Variants in FARP2 observed in about 807,000 individuals in gnomAD.
FARP2 encodes FERM, ARH/RhoGEF and pleckstrin domain protein 2, also known as FERM, ARHGEF and pleckstrin domain-containing protein 2.
FARP2 carries 111 observed loss-of-function variants against 130.5 expected under a neutral mutation model. The ratio of observed to expected loss-of-function variants is 0.85; its 90% CI spans 0.73 to 1.00. The LOEUF (loss-of-function observed/expected upper bound fraction) is 1.00, where lower values mean the gene tolerates loss of function less well. FARP2 is among the 50% of genes least tolerant of loss of function. FARP2 has a pLI of 0.00. For missense variants in FARP2, 1,385 were observed against 1,346.3 expected, an observed-to-expected ratio of 1.03 and a Z score of -0.45; for synonymous variants, 504 against 516.9, an observed-to-expected ratio of 0.98 and a Z score of 0.34.
At chr2:241,363,615 A>G (rs532133660) in intron 1 of FARP2, among the ~76,000 whole-genome samples, 154 of 152,388 alleles carry the variant, frequency 1.0e-3, no homozygotes, top group African/African-American at 3.5e-3. Flanking sequence ...GAACTCGGCT[A>G]TGGGATAGAC....
At chr2:241,442,701 C>T (rs557600861) in intron 13 of FARP2, 1 of 342,062 alleles carries the variant, frequency 2.9e-6, no homozygotes, top group Admixed American at 4.0e-5. Context: ...AAAAATTTGA[C>T]CTTTCACTTG....
intron 1 of FARP2, among the ~76,000 whole-genome samples, chr2:241,361,007 C>T (rs1257159163): frequency 6.7e-6 from 1 of 149,098 alleles, no homozygotes; most frequent in Non-Finnish European, 1.5e-5. Flanking sequence ...AATCCTGTTT[C>T]GCACAATTCC....
intron 17 of FARP2, among the ~76,000 whole-genome samples, chr2:241,467,525 C>T (rs2064202596): frequency 6.6e-6 from 1 of 151,802 alleles, no homozygotes; most frequent in South Asian, 2.1e-4. Flanking sequence ...TGGCACATGC[C>T]TGTTCTTGCG....
At chr2:241,466,699 C>G (rs1370899168) in intron 17 of FARP2, 10 of 641,174 alleles carry the variant, frequency 1.6e-5, no homozygotes, top group Non-Finnish European at 1.9e-5. Context: ...ACCCCCCCCC[C>G]CACCACCACC....
chr2:241,493,097 C>A, intron 25 of FARP2, 61 bp downstream of exon 25: 2 of 1,141,628 alleles, frequency 1.8e-6, no homozygotes, highest in Non-Finnish European at 2.7e-6. Flanking sequence ...CTTAACCCTG[C>A]TCACCTGTGT....
At chr2:241,385,796 A>G (rs973295560) in intron 2 of FARP2, among the ~76,000 whole-genome samples, 3 of 152,120 alleles carry the variant, frequency 2.0e-5, no homozygotes, top group African/African-American at 7.2e-5. Context: ...TTTACGTCAT[A>G]TCATCCATTT....
rs531524036 is a variant in FARP2 at position 241,461,630 on chromosome 2, G to C, written c.1588-893G>C. Among the ~76,000 whole-genome samples the C allele has an allele frequency of 9.8e-5, 15 of 152,302 alleles. No individual in the cohort carries two copies. In the East Asian group the frequency reaches 2.9e-3, roughly 29 times the overall value. On this transcript the variant is annotated intron_variant, in intron 14 of 26. Transcript: ENST00000264042. The stretch of plus-strand genomic sequence containing the variant: ...GCTTCTTGCCTGTCTTCTCCTGGTA[G>C]GACACCCTCACAGGGGCAGGGGGCA...
intron 22 of FARP2, among the ~76,000 whole-genome samples, chr2:241,490,658 C>A (rs531340952): frequency 6.6e-6 from 1 of 152,238 alleles, no homozygotes; most frequent in Non-Finnish European, 1.5e-5. Context: ...TCAGCTCTGA[C>A]TCTGCAGCGC....
At chr2:241,395,070 G>A (rs992293452) in intron 2 of FARP2, among the ~76,000 whole-genome samples, 3 of 152,174 alleles carry the variant, frequency 2.0e-5, no homozygotes, top group Non-Finnish European at 4.4e-5. Context: ...ACCCATTCAG[G>A]GTAAGAGTTG....
At chr2:241,360,542 C>T (rs1012768342) in intron 1 of FARP2, among the ~76,000 whole-genome samples, 1 of 151,982 alleles carries the variant, frequency 6.6e-6, no homozygotes, top group Non-Finnish European at 1.5e-5. Context: ...AGTGTGGTGG[C>T]ATGTGCCTGT....
intron 24 of FARP2, 94 bp from the exon 25 acceptor site, chr2:241,492,825 CAGCTGGAGAA>C: frequency 1.4e-6 from 1 of 692,364 alleles, no homozygotes; most frequent in Non-Finnish European, 2.6e-6. Flanking sequence ...ACCAAGGCCT[CAGCTGGAGAA>C]AGCATGCAGA....
intron 7 of FARP2, 99 bp downstream of exon 7, chr2:241,413,520 T>A: frequency 1.2e-6 from 1 of 847,200 alleles, no homozygotes; most frequent in Non-Finnish European, 1.9e-6. Flanking sequence ...TGCAAGATTC[T>A]AACATAAGGA....
chr2:241,479,540 CT>C (rs1381003048), intron 19 of FARP2, among the ~76,000 whole-genome samples: 1 of 152,238 alleles, frequency 6.6e-6, no homozygotes, highest in Admixed American at 6.5e-5. Context: ...GGCCAGGCCT[CT>C]TTCCGACACA....
At chr2:241,382,419 G>A (rs1337755335) in intron 2 of FARP2, among the ~76,000 whole-genome samples, 1 of 151,730 alleles carries the variant, frequency 6.6e-6, no homozygotes, top group African/African-American at 2.4e-5. Flanking sequence ...AAGTAGCTGG[G>A]ACTACAGATG....
intron 2 of FARP2, among the ~76,000 whole-genome samples, chr2:241,377,515 G>A (rs1024111785): frequency 1.3e-5 from 2 of 151,928 alleles, no homozygotes; most frequent in African/African-American, 4.8e-5. Flanking sequence ...CTAATTTTTT[G>A]TATTTTTAGT....
chr2:241,457,417 C>CGGG (rs2063882054), intron 14 of FARP2, among the ~76,000 whole-genome samples: 1 of 141,214 alleles, frequency 7.1e-6, no homozygotes, highest in African/African-American at 2.7e-5. Flanking sequence ...GGCTCTTGGG[C>CGGG]AGGAGGCCCA....
intron 13 of FARP2, among the ~76,000 whole-genome samples, chr2:241,451,374 C>T (rs1042635872): frequency 6.6e-6 from 1 of 152,196 alleles, no homozygotes; most frequent in African/African-American, 2.4e-5. Flanking sequence ...GTTTGTGATC[C>T]ATCCCAGCAA....
chr2:241,462,646 TAAA>T, intron 15 of FARP2, 34 bp downstream of exon 15: 3 of 1,359,416 alleles, frequency 2.2e-6, no homozygotes, highest in Non-Finnish European at 3.2e-6. Flanking sequence ...GATTTTTTTT[TAAA>T]ATAAATCTCT....
Position 241,411,061 on chromosome 2 carries a change from G to C in FARP2, c.439G>C (p.Asp147His). 6.2e-7 allele frequency: 1 copy of C among 1,611,810 alleles called. No individual in the cohort carries two copies. The highest frequency in any genetic ancestry group is 8.5e-7 in the Non-Finnish European group (1 of 1,178,808). ...RYLFALQLKR[D>H]LLEERLTCAD... ...CTTGTTTGCCTTGCAACTTAAGAGA[G>C]ACCTGCTGGAAGAGCGTTTGACCTG... The change falls in exon 6 of 27, where the codon GAC becomes CAC. Residue 147 changes from aspartate to histidine, a missense_variant. Coordinates refer to ENST00000264042, the MANE Select transcript of FARP2 (RefSeq NM_014808.4).
Sources: allele counts gnomAD v4.1 joint callset (sites outside exome capture counted in the v4.1 genomes callset), GRCh38; gene constraint gnomAD v4.1.1; transcripts MANE v1.5; gene names NCBI Gene and HGNC (gene_info 2026-07-23, HGNC 2026-07-21).